Variants in PIKFYVE observed in about 807,000 individuals in gnomAD.
The protein encoded by PIKFYVE is 1-phosphatidylinositol 3-phosphate 5-kinase.
A neutral mutation model predicts 257.9 loss-of-function variants in PIKFYVE; 122 were observed. The observed-to-expected ratio is 0.47, with a 90% CI of 0.41 to 0.55. The LOEUF is 0.55. Among genes scored for constraint, PIKFYVE ranks in the 20% least tolerant of loss-of-function variants. PIKFYVE has a pLI of 0.00. For synonymous variants in PIKFYVE, 892 were observed against 868.9 expected, an observed-to-expected ratio of 1.03 and a Z score of -0.47; for missense variants, 2,160 against 2,536.6, an observed-to-expected ratio of 0.85 and a Z score of 3.19.
intron 7 of PIKFYVE, among the ~76,000 whole-genome samples, chr2:208,293,675 GTTT>G (rs35035028): frequency 2.2e-5 from 3 of 139,040 alleles, no homozygotes. Flanking sequence ...TACAGGTAAG[GTTT>G]TTTTTTTTTT....
At chr2:208,273,198 G>A (rs6435439) in intron 2 of PIKFYVE, among the ~76,000 whole-genome samples, 149,905 of 152,358 alleles carry the variant, frequency 0.98, 73,784 homozygotes, top group East Asian at 1. Context: ...GTTTCCTTTA[G>A]TATGCTCAAG....
chr2:208,282,190 T>C (rs370285015), intron 5 of PIKFYVE, among the ~76,000 whole-genome samples: 45 of 152,374 alleles, frequency 3.0e-4, no homozygotes, highest in Middle Eastern at 3.4e-3. Context: ...TGCATGTCTT[T>C]GTTGCCACAT....
chr2:208,298,719 C>G lies in PIKFYVE; in HGVS notation c.990C>G (p.Pro330=). The G allele has an allele frequency of 2.5e-6, 4 of 1,614,064 alleles. No homozygotes were observed. The highest frequency in any genetic ancestry group is 3.4e-6 in the Non-Finnish European group (4 of 1,179,986). The part of the protein sequence containing the change: ...MVPSYETSVS[P]QANRTYVRTE... ...CTTCATATGAGACATCTGTCAGTCC[C>G]CAGGCTAACCGAACATATGTTAGGA... The change falls in exon 8 of 42, where the codon CCC becomes CCG. Residue 330 remains proline (P), a synonymous_variant. Coordinates refer to ENST00000264380, the MANE Select transcript of PIKFYVE (RefSeq NM_015040.4).
intron 33 of PIKFYVE, among the ~76,000 whole-genome samples, chr2:208,345,831 A>G (rs139575080): frequency 6.6e-6 from 1 of 152,222 alleles, no homozygotes; most frequent in African/African-American, 2.4e-5. Context: ...ATACATTTTT[A>G]TAGTTACAGC....
intron 27 of PIKFYVE, 103 bp downstream of exon 27, chr2:208,336,303 G>A (rs958725906): frequency 7.3e-7 from 1 of 1,378,722 alleles, no homozygotes. Context: ...TTCATTTTGT[G>A]CTCAAGTTAA....
At chr2:208,282,797 G>A (rs1009695327) in intron 5 of PIKFYVE, among the ~76,000 whole-genome samples, 4 of 152,280 alleles carry the variant, frequency 2.6e-5, no homozygotes, top group South Asian at 2.1e-4. Flanking sequence ...ACCAGGGACC[G>A]GTTTTGTGGC....
chr2:208,325,393 G>C lies in PIKFYVE; in HGVS notation c.2582G>C (p.Cys861Ser). 1 of 1,614,098 alleles carries C rather than the reference G, an allele frequency of 6.2e-7. No homozygotes were observed. Among genetic ancestry groups the C allele is most frequent in the Non-Finnish European group, 8.5e-7 (1 of 1,179,970 alleles). The change falls in exon 20 of 42, where the codon TGT (cysteine) becomes TCT (serine). Residue 861 changes from cysteine to serine, a missense_variant. Physicochemically the swap from Cys to Ser is moderately radical, Grantham distance 112. Around this residue, in one of 12 missense-constraint regions of PIKFYVE, gnomAD observed 522 missense variants for 514.6 expected, o/e 1.01. Transcript: ENST00000264380. ...RVKEILIFMICVAYHSQLEIS... is the reference protein window; with the variant it reads ...RVKEILIFMISVAYHSQLEIS... ...AAGGAGATCCTAATATTTATGATCT[G>C]TGTTGCTTATCATTCTCAACTAGAA... is the stretch of plus-strand genomic sequence containing the variant.
intron 10 of PIKFYVE, among the ~76,000 whole-genome samples, chr2:208,302,978 AG>A (rs929650345): frequency 6.6e-6 from 1 of 152,056 alleles, no homozygotes; most frequent in African/African-American, 2.4e-5. Context: ...GCTACTTGGG[AG>A]GCTGAGACAG....
At chr2:208,339,854 T>A (rs1698535964) in intron 30 of PIKFYVE, among the ~76,000 whole-genome samples, 157 bp from the exon 31 acceptor site, 1 of 152,246 alleles carries the variant, frequency 6.6e-6, no homozygotes, top group South Asian at 2.1e-4. Flanking sequence ...TCCTGTTTTA[T>A]CCCATAGTGG....
intron 23 of PIKFYVE, among the ~76,000 whole-genome samples, chr2:208,330,992 A>G (rs1697478496): frequency 6.6e-6 from 1 of 152,218 alleles, no homozygotes; most frequent in African/African-American, 2.4e-5. Context: ...ACAAACATTT[A>G]GCACCATTTA....
rs189634887 is a variant in PIKFYVE at position 208,334,038 on chromosome 2, A to G, written c.4142+545A>G. ...TATTAACCATCAGAAGGATAATCAC[A>G]TAATTCTGATAGAGCTAAAAGTCTG... On this transcript the variant is annotated intron_variant, in intron 24 of 41. Coordinates refer to ENST00000264380, the MANE Select transcript of PIKFYVE (RefSeq NM_015040.4). 6.6e-5 allele frequency among the ~76,000 whole-genome samples: 10 copies of G among 152,358 alleles called. No individual in the cohort carries two copies. The East Asian group carries it at 1.5e-3, about 24-fold the overall frequency.
intron 23 of PIKFYVE, among the ~76,000 whole-genome samples, chr2:208,332,026 T>C (rs1697598311): frequency 6.6e-6 from 1 of 152,132 alleles, no homozygotes. Context: ...TTTTTTATGC[T>C]AGAAAGGAAA....
chr2:208,346,940 G>T (rs1337050370), intron 34 of PIKFYVE, among the ~76,000 whole-genome samples: 4 of 152,176 alleles, frequency 2.6e-5, no homozygotes, highest in Admixed American at 2.6e-4. Context: ...GAAAGCAGAG[G>T]CTCCTCCTTT....
chr2:208,273,905 T>A, intron 3 of PIKFYVE, 172 bp downstream of exon 3: 4 of 1,380,966 alleles, frequency 2.9e-6, no homozygotes, highest in Non-Finnish European at 3.0e-6. Context: ...ACCTCGGTAG[T>A]GAAAGAATTT....
intron 7 of PIKFYVE, 38 bp from the exon 8 acceptor site, chr2:208,298,602 AT>A (rs1340636756): frequency 6.2e-7 from 1 of 1,611,542 alleles, no homozygotes; most frequent in South Asian, 1.1e-5. Context: ...TTGAAGAAGA[AT>A]TTACACCTGT....
intron 5 of PIKFYVE, among the ~76,000 whole-genome samples, chr2:208,278,851 T>C (rs1195697465): frequency 6.6e-6 from 1 of 152,212 alleles, no homozygotes; most frequent in East Asian, 1.9e-4. Context: ...TTATAAAAAG[T>C]GTTACAATGA....
In PIKFYVE at chr2:208,350,636, G is replaced by C. The variant is rs1458750492; in HGVS notation, c.5435-135G>C. 3 of 882,184 alleles carry C rather than the reference G, an allele frequency of 3.4e-6. No individual in the cohort carries two copies. The African/African-American group carries it at 5.0e-5, about 15-fold the overall frequency. 54.6% of individuals were successfully genotyped at this position (882,184 alleles called of 1,614,324 possible). ...ACAAAATTGTGATAAATAGGGATTT[G>C]GATCTAACATGCAAAATGCCATCAT... On this transcript the variant is annotated intron_variant, in intron 36 of 41. Transcript: ENST00000264380.
chr2:208,324,193 A>C lies in PIKFYVE; in HGVS notation c.2242A>C (p.Thr748Pro), dbSNP rs772852073. The C allele has an allele frequency of 1.2e-6, 2 of 1,613,926 alleles. No individual in the cohort carries two copies. The highest frequency in any genetic ancestry group is 3.3e-5 in the Admixed American group (2 of 60,014). ...CCAGCGAATAGTTGATGTTCGACCC[A>C]CCTTGGTTCTTGTTGAGAAAACAGT... ...YVQRIVDVRP[T>P]LVLVEKTVSR... The change falls in exon 18 of 42, where the codon ACC (threonine) becomes CCC (proline). Residue 748 changes from threonine to proline, a missense_variant. Thr to Pro is a conservative substitution (Grantham distance 38). Transcript: ENST00000264380.
At chr2:208,348,642 A>T (rs546752586) in intron 35 of PIKFYVE, among the ~76,000 whole-genome samples, 1 of 106,056 alleles carries the variant, frequency 9.4e-6, no homozygotes, top group Non-Finnish European at 2.0e-5. Context: ...GTGTGTATCT[A>T]CCTCATTGTG....
Sources: gnomAD v4.1 joint callset for allele counts (sites outside exome capture counted in the v4.1 genomes callset) on GRCh38, gnomAD v4.1.1 for gene constraint, gnomAD v4.1.1 regional missense constraint, MANE v1.5 for transcripts, NCBI Gene and HGNC (gene_info 2026-07-23, HGNC 2026-07-21) for gene names.